The following LGALS3 variants were observed in gnomAD, a reference collection of about 807,000 sequenced individuals.
LGALS3 encodes galectin-3.
LGALS3 carries 18 observed loss-of-function variants against 20.7 expected under a neutral mutation model. That is an observed-to-expected ratio of 0.87 (90% CI 0.60 to 1.29). The LOEUF is 1.29. Ranked by LOEUF, LGALS3 falls within the 50% of genes most tolerant of loss-of-function variation. LGALS3 has a pLI of 0.00. For missense variants in LGALS3, 315 were observed against 314.7 expected (o/e 1.00, Z -0.01); for synonymous variants, 112 against 119.6 (o/e 0.94, Z 0.42).
chr14:55,142,681 C>T lies in LGALS3; in HGVS notation c.529C>T (p.Leu177=), dbSNP rs1432529074. 10 of 1,613,832 alleles carry T rather than the reference C, an allele frequency of 6.2e-6. No individual in the cohort carries two copies. The highest frequency in any genetic ancestry group is 8.5e-6 in the Non-Finnish European group (10 of 1,179,754). ...GAGAGTCATTGTTTGCAATACAAAG[C>T]TGGATAATAACTGGGGAAGGGAAGA... The part of the protein sequence containing the change: ...NRRVIVCNTK[L]DNNWGREERQ... Residue 177 remains leucine (L), a synonymous_variant, in exon 5 of 6, where the codon CTG becomes TTG. Transcript: ENST00000254301.
At chr14:55,138,504 T>C (rs540493109) in intron 3 of LGALS3, 136 bp downstream of exon 3, 2 of 910,506 alleles carry the variant, frequency 2.2e-6, no homozygotes, top group African/African-American at 1.6e-5. Flanking sequence ...AAAAATTAAG[T>C]GTTCATATTG....
intron 1 of LGALS3, among the ~76,000 whole-genome samples, chr14:55,130,914 G>A (rs79109213): frequency 0.057 from 8,721 of 152,218 alleles, 313 homozygotes; most frequent in South Asian, 0.091. Flanking sequence ...GAAATTGTGT[G>A]TTTCCATAAA....
chr14:55,135,667 T>C (rs888603140), intron 1 of LGALS3, among the ~76,000 whole-genome samples: 4 of 144,552 alleles, frequency 2.8e-5, no homozygotes, highest in East Asian at 2.2e-4. Flanking sequence ...TAGGCTCAAA[T>C]GATCCTCCCA....
intron 1 of LGALS3, among the ~76,000 whole-genome samples, chr14:55,130,277 A>G (rs888597002): frequency 1.3e-5 from 2 of 152,328 alleles, no homozygotes; most frequent in African/African-American, 4.8e-5. Flanking sequence ...TCGGGGACGC[A>G]TGGTGGAGGC....
At chr14:55,142,458 C>T in intron 4 of LGALS3, 126 bp from the exon 5 acceptor site, 1 of 623,746 alleles carries the variant, frequency 1.6e-6, no homozygotes, top group Non-Finnish European at 2.7e-6. Flanking sequence ...ATTTGCTTTC[C>T]ATTCAGAAAA....
chr14:55,136,992 T>C (rs960787369), intron 1 of LGALS3, among the ~76,000 whole-genome samples: 5 of 152,068 alleles, frequency 3.3e-5, no homozygotes, highest in African/African-American at 7.2e-5. Context: ...TGTGTGCAAA[T>C]AGAGGAATAA....
At chr14:55,135,866 A>G (rs1017946245) in intron 1 of LGALS3, among the ~76,000 whole-genome samples, 4 of 152,172 alleles carry the variant, frequency 2.6e-5, no homozygotes, top group African/African-American at 9.7e-5. Flanking sequence ...CACCCAGCCA[A>G]TATCTTGCAT....
In LGALS3 at chr14:55,130,562, G is replaced by GTTT. The variant is rs60310677; in HGVS notation, c.-5+1274_-5+1276dup. 4.8e-3 allele frequency among the ~76,000 whole-genome samples: 698 copies of GTTT among 144,908 alleles called. 4 individuals are homozygous for GTTT. Among genetic ancestry groups the GTTT allele is most frequent in the South Asian group, 0.015 (70 of 4,584 alleles). On this transcript the variant is annotated intron_variant, in intron 1 of 5. Coordinates refer to ENST00000254301, the MANE Select transcript of LGALS3 (RefSeq NM_002306.4). ...CAAAGTTCTGATTTGTTTACCTAAG[G>GTTT]TTTTTTTTTTTTTTGAGACGCAGTT...
intron 1 of LGALS3, among the ~76,000 whole-genome samples, chr14:55,131,786 A>G (rs990367346): frequency 6.6e-6 from 1 of 152,240 alleles, no homozygotes. Flanking sequence ...GAGAAGCAGA[A>G]AGTAACTCTA....
chr14:55,132,937 C>T (rs995203881), intron 1 of LGALS3, among the ~76,000 whole-genome samples: 4 of 152,216 alleles, frequency 2.6e-5, no homozygotes, highest in African/African-American at 4.8e-5. Context: ...TGGAAAAGTA[C>T]ACTTTATTGG....
chr14:55,137,701 T>C (rs997763975), intron 2 of LGALS3: 2 of 1,365,154 alleles, frequency 1.5e-6, no homozygotes, highest in African/African-American at 1.5e-5. Context: ...TGCGGTACAG[T>C]CTGGGCATTC....
At chr14:55,135,560 GTTTTTTTTTTT>G (rs762172869) in intron 1 of LGALS3, among the ~76,000 whole-genome samples, 13 of 106,566 alleles carry the variant, frequency 1.2e-4, no homozygotes, top group Admixed American at 9.8e-4. Context: ...ATATTTTATG[GTTTTTTTTTTT>G]TTTTTTTTTT....
In LGALS3 at chr14:55,138,107, G is replaced by C; in HGVS notation, c.81G>C (p.Gly27=). The C allele has an allele frequency of 1.3e-6, 2 of 1,539,410 alleles. No homozygotes were observed. Among genetic ancestry groups the C allele is most frequent in the Non-Finnish European group, 1.7e-6 (2 of 1,147,162 alleles). ...PNPQGWPGAW[G]NQPAGAGGYP... ...CTCAAGGATGGCCTGGCGCATGGGG[G>C]AACCAGCCTGCTGGGGCAGGGGGCT... The change falls in exon 3 of 6, where the codon GGG becomes GGC. Residue 27 remains glycine, a synonymous_variant. Transcript: ENST00000254301.
chr14:55,135,121 A>G (rs952937394), intron 1 of LGALS3, among the ~76,000 whole-genome samples: 1 of 151,744 alleles, frequency 6.6e-6, no homozygotes, highest in South Asian at 2.1e-4. Context: ...ATGTCACTGC[A>G]CTCCAGCCTG....
rs1013504791 is a variant in LGALS3 at position 55,145,406 on chromosome 14, G to A, written c.*135G>A. The A allele has an allele frequency of 6.8e-7, 1 of 1,468,332 alleles. No homozygotes were observed. Among genetic ancestry groups the A allele is most frequent in the African/African-American group, 1.4e-5 (1 of 71,224 alleles). 91.0% of individuals were successfully genotyped at this position (1,468,332 alleles called of 1,614,324 possible). Reference sequence around the variant, plus strand: ...AGTCATCTACTTAATAAATATTACAGTGAATTACCTGTCTCAATATGTCAT... The same window carrying A: ...AGTCATCTACTTAATAAATATTACAATGAATTACCTGTCTCAATATGTCAT... On this transcript the variant is annotated 3_prime_UTR_variant, in exon 6 of 6. Coordinates refer to ENST00000254301, the MANE Select transcript of LGALS3 (RefSeq NM_002306.4).
chr14:55,145,032 G>T, intron 5 of LGALS3, 84 bp from the exon 6 acceptor site: 1 of 1,096,982 alleles, frequency 9.1e-7, no homozygotes, highest in South Asian at 1.5e-5. Flanking sequence ...TAGTGCAGAT[G>T]AAATATGTAT....
chr14:55,136,574 C>T (rs886997612), intron 1 of LGALS3, among the ~76,000 whole-genome samples: 55 of 151,956 alleles, frequency 3.6e-4, no homozygotes, highest in Middle Eastern at 6.8e-3. Context: ...TTATGGCATA[C>T]GTTAGATGTT....
At chr14:55,143,390 T>G (rs2140297152) in intron 5 of LGALS3, 1 of 349,578 alleles carries the variant, frequency 2.9e-6, no homozygotes, top group African/African-American at 2.3e-5. Context: ...ATTTGGTGGA[T>G]ATCTTTTCGT....
intron 5 of LGALS3, chr14:55,143,619 A>G (rs530248190): frequency 1.4e-4 from 30 of 209,668 alleles, no homozygotes; most frequent in Admixed American, 3.0e-4. Context: ...ACGGGGTTTC[A>G]CCATGTTGGC....
Sources: allele counts gnomAD v4.1 joint callset (sites outside exome capture counted in the v4.1 genomes callset), GRCh38; gene constraint gnomAD v4.1.1; transcripts MANE v1.5; gene names NCBI Gene and HGNC (gene_info 2026-07-23, HGNC 2026-07-21).